The following ITGBL1 variants were observed in gnomAD, a reference collection of about 807,000 sequenced individuals.
ITGBL1 encodes the protein integrin subunit beta like 1, also known as integrin beta-like protein 1.
ITGBL1 carries 51 observed loss-of-function variants against 68.5 expected under a neutral mutation model. That is an observed-to-expected ratio of 0.74 (90% CI 0.59 to 0.94). The LOEUF is 0.94. Among genes scored for constraint, ITGBL1 ranks in the 40% least tolerant of loss-of-function variants. ITGBL1 has a pLI of 0.00. For missense variants in ITGBL1, 649 were observed against 647.4 expected (o/e 1.00, Z -0.03); for synonymous variants, 209 against 227.3 (o/e 0.92, Z 0.72).
chr13:101,473,977 G>T (rs2048499831), intron 2 of ITGBL1, among the ~76,000 whole-genome samples: 1 of 152,152 alleles, frequency 6.6e-6, no homozygotes, highest in Non-Finnish European at 1.5e-5. Context: ...GTGAGACCCA[G>T]GGCCATGCTA....
Position 101,452,836 on chromosome 13 carries a change from G to GCGTC in ITGBL1, c.5_8dup (p.Pro4SerfsTer78). ...CCGGAGCAGCCCAGGAGCTCAGCAT[G>GCGTC]CGTCCCCCAGGCTTCAGGAACTTCT... On this transcript the variant is annotated frameshift_variant, in exon 1 of 11. Coordinates refer to ENST00000376180, the MANE Select transcript of ITGBL1 (RefSeq NM_004791.3). LOFTEE classifies it high-confidence loss of function. The GCGTC allele has an allele frequency of 6.2e-7, 1 of 1,613,868 alleles. No homozygotes were observed.
At chr13:101,472,720 C>T (rs1205354069) in intron 2 of ITGBL1, among the ~76,000 whole-genome samples, 2 of 151,796 alleles carry the variant, frequency 1.3e-5, no homozygotes, top group African/African-American at 4.8e-5. Flanking sequence ...AGGGTTGTTT[C>T]ATTTTTTTTA....
chr13:101,509,221 T>A (rs934543278), intron 2 of ITGBL1, among the ~76,000 whole-genome samples: 11 of 152,188 alleles, frequency 7.2e-5, no homozygotes, highest in African/African-American at 2.6e-4. Flanking sequence ...ACTCCCATTT[T>A]TTAAACCATC....
At chr13:101,540,701 C>T (rs1489050362) in intron 2 of ITGBL1, among the ~76,000 whole-genome samples, 1 of 152,158 alleles carries the variant, frequency 6.6e-6, no homozygotes, top group African/African-American at 2.4e-5. Context: ...GAATGTTCTT[C>T]CATTCGTTTG....
intron 7 of ITGBL1, among the ~76,000 whole-genome samples, chr13:101,600,375 A>G (rs556224072): frequency 9.8e-5 from 15 of 152,328 alleles, no homozygotes; most frequent in Middle Eastern, 3.4e-3. Context: ...CAATCATGTC[A>G]TCTGCAAACA....
intron 7 of ITGBL1, among the ~76,000 whole-genome samples, chr13:101,633,532 C>G (rs112489311): frequency 6.6e-6 from 1 of 151,922 alleles, no homozygotes; most frequent in South Asian, 2.1e-4. Context: ...AGTTGTCAGC[C>G]AAAAAAACCA....
chr13:101,496,951 G>A (rs1006295233), intron 2 of ITGBL1, among the ~76,000 whole-genome samples: 4 of 152,200 alleles, frequency 2.6e-5, no homozygotes, highest in Non-Finnish European at 5.9e-5. Flanking sequence ...AGCCTGGGAT[G>A]TTGTAGTATC....
chr13:101,576,095 T>C (rs2050354265), intron 4 of ITGBL1, among the ~76,000 whole-genome samples: 1 of 152,178 alleles, frequency 6.6e-6, no homozygotes, highest in South Asian at 2.1e-4. Flanking sequence ...AGTGACAAAT[T>C]CTGCAATAAG....
chr13:101,658,456 C>T (rs967185171), intron 7 of ITGBL1, among the ~76,000 whole-genome samples: 2 of 151,850 alleles, frequency 1.3e-5, no homozygotes, highest in Non-Finnish European at 2.9e-5. Flanking sequence ...TTAAAGTGAT[C>T]GTGTATTGCT....
At chr13:101,644,847 A>C (rs1372151821) in intron 7 of ITGBL1, among the ~76,000 whole-genome samples, 1 of 152,196 alleles carries the variant, frequency 6.6e-6, no homozygotes, top group East Asian at 1.9e-4. Context: ...AGAATGTATA[A>C]GGCATGGATT....
chr13:101,637,768 C>T (rs2032226411), intron 7 of ITGBL1, among the ~76,000 whole-genome samples: 2 of 152,164 alleles, frequency 1.3e-5, no homozygotes, highest in African/African-American at 2.4e-5. Context: ...CCATATCTGG[C>T]TACAGAGAAA....
intron 7 of ITGBL1, among the ~76,000 whole-genome samples, chr13:101,691,241 A>G (rs1473116044): frequency 6.6e-6 from 1 of 152,080 alleles, no homozygotes; most frequent in Non-Finnish European, 1.5e-5. Flanking sequence ...ACCTGGGACT[A>G]CCTCCAAGTA....
chr13:101,475,529 A>C (rs1219401136), intron 2 of ITGBL1, among the ~76,000 whole-genome samples: 1 of 152,184 alleles, frequency 6.6e-6, no homozygotes, highest in Non-Finnish European at 1.5e-5. Flanking sequence ...GATAGCCGAG[A>C]AATTTCCAAA....
chr13:101,580,226 A>G (rs1196678109), intron 5 of ITGBL1, among the ~76,000 whole-genome samples: 1 of 152,138 alleles, frequency 6.6e-6, no homozygotes, highest in African/African-American at 2.4e-5. Context: ...TTTCATTTCT[A>G]TACATGAATA....
intron 7 of ITGBL1, among the ~76,000 whole-genome samples, chr13:101,644,025 G>C (rs2032476190): frequency 1.3e-5 from 2 of 152,146 alleles, no homozygotes; most frequent in Admixed American, 6.5e-5. Flanking sequence ...AAAAGTGGAA[G>C]ATCCGGCAAC....
chr13:101,536,024 T>C (rs2049568852), intron 2 of ITGBL1, among the ~76,000 whole-genome samples: 2 of 149,290 alleles, frequency 1.3e-5, no homozygotes, highest in Non-Finnish European at 3.0e-5. Context: ...AATATGAATA[T>C]CTGGGGAAGG....
chr13:101,576,241 AGAATTT>A, intron 4 of ITGBL1, among the ~76,000 whole-genome samples: 1 of 152,286 alleles, frequency 6.6e-6, no homozygotes, highest in South Asian at 2.1e-4. Flanking sequence ...CAATAATAGT[AGAATTT>A]GGGCTCGTGT....
At chr13:101,552,327 G>C (rs1168012648) in intron 2 of ITGBL1, among the ~76,000 whole-genome samples, 1 of 152,014 alleles carries the variant, frequency 6.6e-6, no homozygotes, top group Non-Finnish European at 1.5e-5. Flanking sequence ...TACTGATCTA[G>C]GTGTTTTTTT....
intron 7 of ITGBL1, among the ~76,000 whole-genome samples, chr13:101,639,335 C>T (rs1228433516): frequency 6.6e-6 from 1 of 152,046 alleles, no homozygotes; most frequent in African/African-American, 2.4e-5. Context: ...AAAATAATTG[C>T]TTGAATAATC....
Sources: gnomAD v4.1 joint callset for allele counts (sites outside exome capture counted in the v4.1 genomes callset) on GRCh38, gnomAD v4.1.1 for gene constraint, MANE v1.5 for transcripts, NCBI Gene and HGNC (gene_info 2026-07-23, HGNC 2026-07-21) for gene names.